The following CLIP2 variants were observed in gnomAD, a reference collection of about 807,000 sequenced individuals.
The protein encoded by CLIP2 is CAP-Gly domain containing linker protein 2.
CLIP2 carries 41 observed loss-of-function variants against 111.7 expected under a neutral mutation model. That is an observed-to-expected ratio of 0.37 (90% CI 0.29 to 0.48). The LOEUF (loss-of-function observed/expected upper bound fraction) is 0.48. CLIP2 is among the 20% of genes least tolerant of loss of function. The probability of loss-of-function intolerance (pLI) is 0.99; values close to 1 mark genes in which losing one functional copy is unlikely to be tolerated. For missense variants in CLIP2, 1,160 were observed against 1,422.1 expected, an observed-to-expected ratio of 0.82 and a Z score of 2.96; for synonymous variants, 660 against 644.2, an observed-to-expected ratio of 1.02 and a Z score of -0.37.
Position 74,376,719 on chromosome 7 carries a change from A to G in CLIP2, c.2318A>G (p.Glu773Gly). The change falls in exon 10 of 17, where the codon GAA becomes GGA. Residue 773 changes from glutamate to glycine, a missense_variant. Coordinates refer to ENST00000223398, the MANE Select transcript of CLIP2 (RefSeq NM_003388.5). This position sits in a 1 kb window ranked among gnomAD's most constrained non-coding sequence, Gnocchi z 7.1. ...MLDYERLQRA[E>G]AQGKQEVESL... Reference sequence around the variant, plus strand: ...GACTACGAGCGGCTGCAGCGGGCAGAAGCCCAGGGCAAACAGGAGGTCGAG... The same window carrying G: ...GACTACGAGCGGCTGCAGCGGGCAGGAGCCCAGGGCAAACAGGAGGTCGAG... 6.2e-7 allele frequency: 1 copy of G among 1,613,238 alleles called. No homozygotes were observed. Among genetic ancestry groups the G allele is most frequent in the Non-Finnish European group, 8.5e-7 (1 of 1,179,822 alleles).
At chr7:74,302,635 G>A (rs560232878) in intron 1 of CLIP2, among the ~76,000 whole-genome samples, 1 of 152,328 alleles carries the variant, frequency 6.6e-6, no homozygotes, top group East Asian at 1.9e-4. Context: ...GGGTTTGACT[G>A]GGGCACTTGG....
At chr7:74,351,894 C>G (rs1466405580) in intron 3 of CLIP2, among the ~76,000 whole-genome samples, 1 of 151,746 alleles carries the variant, frequency 6.6e-6, no homozygotes, top group Admixed American at 6.6e-5. Flanking sequence ...AAGTAGTAAA[C>G]CAAGAAAGAA....
chr7:74,318,449 A>G (rs1554729510), intron 2 of CLIP2, among the ~76,000 whole-genome samples: 1 of 152,172 alleles, frequency 6.6e-6, no homozygotes, highest in Non-Finnish European at 1.5e-5. Context: ...ATGGAGGCTC[A>G]TGCCTGTAAT....
intron 2 of CLIP2, among the ~76,000 whole-genome samples, chr7:74,336,863 TTTTTTTTTTTTGTTTTTTTTTGTTTTG>T (rs1554732195): frequency 4.0e-5 from 1 of 25,270 alleles, no homozygotes; most frequent in Non-Finnish European, 2.1e-4. Context: ...TTTTTTTGTT[TTTTTTTTTTTTGTTTTTTTTTGTTTTG>T]TTTTTTTTTT....
Position 74,389,196 on chromosome 7 carries a change from GGAA to G in CLIP2, c.2660_2662del (p.Lys887del). Reference sequence around the variant, plus strand: ...GAGGCAGAGCTGGAGACCGTGTCCCGGAAGACCCATGACGCCTCGGGCCAGCTA... The same window carrying G: ...GAGGCAGAGCTGGAGACCGTGTCCCGGACCCATGACGCCTCGGGCCAGCTA... On this transcript the variant is annotated inframe_deletion, in exon 13 of 17. Transcript: ENST00000223398. 1 of 1,613,276 alleles carries G rather than the reference GGAA, an allele frequency of 6.2e-7. No individual in the cohort carries two copies. The highest frequency in any genetic ancestry group is 8.5e-7 in the Non-Finnish European group (1 of 1,179,736).
intron 13 of CLIP2, among the ~76,000 whole-genome samples, chr7:74,391,658 A>G (rs1283357303): frequency 4.0e-5 from 6 of 151,884 alleles, no homozygotes; most frequent in Non-Finnish European, 8.8e-5. Flanking sequence ...CGTCTCTACT[A>G]AAAATACAAA....
Position 74,404,224 on chromosome 7 carries a change from C to T in CLIP2, c.*376C>T. The T allele has an allele frequency of 3.9e-6, 1 of 255,542 alleles. No homozygotes were observed. Among genetic ancestry groups the T allele is most frequent in the Non-Finnish European group, 7.8e-6 (1 of 128,792 alleles). 15.8% of individuals were successfully genotyped at this position (255,542 alleles called of 1,614,324 possible). A position where few individuals can be genotyped will look rare whatever the true frequency, so the allele number is the denominator to read the frequency against. ...CCTGTCCTCTTTTTCCGCCCATTCT[C>T]CCTCGGGTCTCCCCAGAGGGGCCGG... On this transcript the variant is annotated 3_prime_UTR_variant, in exon 17 of 17. Transcript: ENST00000223398.
At chr7:74,369,502 C>A (rs975154822) in intron 8 of CLIP2, among the ~76,000 whole-genome samples, 1 of 151,976 alleles carries the variant, frequency 6.6e-6, no homozygotes, top group African/African-American at 2.4e-5. Context: ...ATGATGGCGC[C>A]ACTGCACTCC....
At chr7:74,310,954 A>G (rs1788626695) in intron 1 of CLIP2, among the ~76,000 whole-genome samples, 2 of 149,162 alleles carry the variant, frequency 1.3e-5, no homozygotes, top group Admixed American at 6.7e-5. Context: ...GGCTCAAGCT[A>G]TCTGCCTGCC....
intron 10 of CLIP2, among the ~76,000 whole-genome samples, chr7:74,377,570 T>A (rs983811866): frequency 1.3e-5 from 2 of 152,218 alleles, no homozygotes; most frequent in African/African-American, 4.8e-5. Context: ...CCACGTCTTA[T>A]GCCAGGCCCT....
chr7:74,384,446 T>TTCC, intron 11 of CLIP2, among the ~76,000 whole-genome samples: 1 of 139,406 alleles, frequency 7.2e-6, no homozygotes, highest in African/African-American at 2.8e-5. Context: ...ATATGATTTT[T>TTCC]TTTTTTTTTT....
Position 74,400,474 on chromosome 7 carries a change from C to T in CLIP2, c.2985C>T (p.Asp995=), listed in dbSNP as rs782621657. 1.8e-5 allele frequency: 29 copies of T among 1,613,910 alleles called. No individual in the cohort carries two copies. Among genetic ancestry groups the T allele is most frequent in the African/African-American group, 9.3e-5 (7 of 74,940 alleles). Residue 995 remains aspartate, a synonymous_variant, in exon 15 of 17, where the codon GAC becomes GAT. Transcript: ENST00000223398. The part of the protein sequence containing the change: ...RLQHQLMSTE[D]ALRDALDQAQ... ...AGCACCAGCTGATGAGCACGGAGGA[C>T]GCCCTGCGGGATGCGCTGGACCAGG... is the stretch of plus-strand genomic sequence containing the variant.
At chr7:74,372,306 C>T (rs1667619119) in intron 8 of CLIP2, among the ~76,000 whole-genome samples, 1 of 150,802 alleles carries the variant, frequency 6.6e-6, no homozygotes, top group South Asian at 2.1e-4. Flanking sequence ...GCCCGGCCTC[C>T]ACCAAGGAGG....
intron 1 of CLIP2, among the ~76,000 whole-genome samples, chr7:74,311,411 A>C (rs1788637520): frequency 6.6e-6 from 1 of 152,138 alleles, no homozygotes; most frequent in African/African-American, 2.4e-5. Context: ...CAGCTTTTCA[A>C]ATTTTTAGCC....
At chr7:74,366,632 C>T (rs143990455) in intron 8 of CLIP2, among the ~76,000 whole-genome samples, 1,577 of 152,346 alleles carry the variant, frequency 0.01, 26 homozygotes, top group African/African-American at 0.036. Flanking sequence ...AATCCCAACA[C>T]TTTGGGAGGC....
intron 6 of CLIP2, among the ~76,000 whole-genome samples, chr7:74,359,086 C>G (rs1584357970): frequency 6.6e-6 from 1 of 151,852 alleles, no homozygotes; most frequent in East Asian, 2.0e-4. Flanking sequence ...GCCTCAGCGT[C>G]CTTAGTAGCT....
chr7:74,318,817 G>A (rs1564035037), intron 2 of CLIP2, among the ~76,000 whole-genome samples: 1 of 152,206 alleles, frequency 6.6e-6, no homozygotes, highest in African/African-American at 2.4e-5. Flanking sequence ...CAGCCAGCAG[G>A]ATAGGTCACT....
In CLIP2 at chr7:74,349,470, GTATATATATATA is replaced by G. The variant is rs1158400867; in HGVS notation, c.679-4380_679-4369del. Among the ~76,000 whole-genome samples the G allele has an allele frequency of 7.9e-3, 268 of 33,786 alleles. 3 individuals carry two copies. Among genetic ancestry groups the G allele is most frequent in the East Asian group, 0.036 (28 of 778 alleles). The allele number at this position is 33,786 out of a possible 152,430, so 22.2% of individuals were successfully genotyped here. On this transcript the variant is annotated intron_variant, in intron 3 of 16. Coordinates refer to ENST00000223398, the MANE Select transcript of CLIP2 (RefSeq NM_003388.5). ...AAAGTATGTATGTGTGTGTGTGTGT[GTATATATATATA>G]TATATATATATATATATATATATAT...
In CLIP2 at chr7:74,376,893, G is replaced by A; in HGVS notation, c.2421+71G>A. 1 of 1,358,020 alleles carries A rather than the reference G, an allele frequency of 7.4e-7. No individual in the cohort carries two copies. Among genetic ancestry groups the A allele is most frequent in the Non-Finnish European group, 9.8e-7 (1 of 1,019,312 alleles). The allele number at this position is 1,358,020 out of a possible 1,614,324, so 84.1% of individuals were successfully genotyped here. A position where few individuals can be genotyped will look rare whatever the true frequency, so the allele number is the denominator to read the frequency against. ...AGGGCTTGGCCTTTTGCTGACCTCT[G>A]TTCTGCAGCCCAGGAAGCATTTCCC... is the stretch of plus-strand genomic sequence containing the variant. On this transcript the variant is annotated intron_variant, in intron 10 of 16. Transcript: ENST00000223398. The surrounding 1 kb of genome is among the most constrained non-coding windows in gnomAD (Gnocchi z 7.1).
Sources: gnomAD v4.1 joint callset for allele counts (sites outside exome capture counted in the v4.1 genomes callset) on GRCh38, gnomAD v4.1.1 for gene constraint, Gnocchi (gnomAD v3.1) non-coding constraint, MANE v1.5 for transcripts, NCBI Gene and HGNC (gene_info 2026-07-23, HGNC 2026-07-21) for gene names.